Variants in NRXN1 observed in about 807,000 individuals in gnomAD.
NRXN1 encodes neurexin 1.
Under a neutral mutation model 150.9 loss-of-function variants are expected in NRXN1, and 39 were observed. That is an observed-to-expected ratio of 0.26 (90% CI 0.20 to 0.34). NRXN1 has a LOEUF of 0.34. NRXN1 is among the 10% of genes least tolerant of loss of function. The probability of loss-of-function intolerance (pLI) is 1.00; values close to 1 mark genes in which losing one functional copy is unlikely to be tolerated. For synonymous variants in NRXN1, 924 were observed against 757.0 expected, an observed-to-expected ratio of 1.22 and a Z score of -3.62; for missense variants, 1,815 against 1,949.9, an observed-to-expected ratio of 0.93 and a Z score of 1.30.
At chr2:49,926,351 C>T (rs1017084607) in intron 22 of NRXN1, 4 of 398,308 alleles carry the variant, frequency 1.0e-5, no homozygotes, top group East Asian at 3.6e-5. Context: ...TGGTAAGATA[C>T]GGTGGTCTCT....
intron 16 of NRXN1, among the ~76,000 whole-genome samples, chr2:50,470,610 C>T (rs1157617271): frequency 1.3e-5 from 2 of 151,808 alleles, no homozygotes; most frequent in South Asian, 2.1e-4. Context: ...TTCATAATCA[C>T]CTGGGGGACA....
At chr2:50,552,492 A>G (rs1667677533) in intron 9 of NRXN1, 95 bp downstream of exon 9, 1 of 865,112 alleles carries the variant, frequency 1.2e-6, no homozygotes. Context: ...CAAATGCAGG[A>G]AGTCTTTAAT....
chr2:50,311,169 C>T (rs552837251), intron 17 of NRXN1, among the ~76,000 whole-genome samples: 1 of 152,144 alleles, frequency 6.6e-6, no homozygotes, highest in Admixed American at 6.6e-5. Flanking sequence ...ACAAAAGGAT[C>T]ATGTTGTCAA....
At chr2:50,561,968 T>G (rs1381511293) in intron 8 of NRXN1, among the ~76,000 whole-genome samples, 5 of 152,230 alleles carry the variant, frequency 3.3e-5, no homozygotes, top group African/African-American at 7.2e-5. Flanking sequence ...AGCCAGCAGA[T>G]GCTGCTAAGA....
intron 17 of NRXN1, among the ~76,000 whole-genome samples, chr2:50,342,942 C>T (rs1295247321): frequency 6.6e-6 from 1 of 152,224 alleles, no homozygotes; most frequent in Non-Finnish European, 1.5e-5. Context: ...CTGAAACCTA[C>T]CTATCCTCTT....
chr2:50,387,938 T>C (rs1351419290), intron 17 of NRXN1, among the ~76,000 whole-genome samples: 3 of 152,130 alleles, frequency 2.0e-5, no homozygotes, highest in Admixed American at 6.5e-5. Context: ...GAAACACACG[T>C]CTTGAAAAAG....
At chr2:50,830,561 G>GC (rs1671269138) in intron 5 of NRXN1, among the ~76,000 whole-genome samples, 1 of 150,788 alleles carries the variant, frequency 6.6e-6, no homozygotes, top group Non-Finnish European at 1.5e-5. Context: ...GTTCTTCTGA[G>GC]CCCTGAAACA....
At chr2:50,108,833 C>T (rs1306993927) in intron 18 of NRXN1, among the ~76,000 whole-genome samples, 1 of 152,042 alleles carries the variant, frequency 6.6e-6, no homozygotes, top group East Asian at 1.9e-4. Flanking sequence ...TGCAATATGA[C>T]AGGAAATAAA....
intron 17 of NRXN1, among the ~76,000 whole-genome samples, chr2:50,400,355 T>A (rs1428176692): frequency 6.6e-6 from 1 of 152,162 alleles, no homozygotes; most frequent in Non-Finnish European, 1.5e-5. Flanking sequence ...CCATCTTTTT[T>A]AAATATTCAA....
At chr2:50,448,044 G>C (rs538925764) in intron 17 of NRXN1, among the ~76,000 whole-genome samples, 139 of 151,990 alleles carry the variant, frequency 9.1e-4, no homozygotes, top group African/African-American at 3.3e-3. Context: ...GTCAGTGAAA[G>C]TAATAAAATT....
intron 8 of NRXN1, among the ~76,000 whole-genome samples, chr2:50,574,965 C>T (rs58262679): frequency 0.021 from 3,137 of 152,264 alleles, 96 homozygotes; most frequent in African/African-American, 0.07. Flanking sequence ...TGATGCATTG[C>T]ACTAATATGC....
At chr2:50,731,148 C>A (rs1698050156) in intron 5 of NRXN1, among the ~76,000 whole-genome samples, 2 of 152,126 alleles carry the variant, frequency 1.3e-5, no homozygotes, top group African/African-American at 4.8e-5. Flanking sequence ...TAAGAAACAC[C>A]AATGAAATTA....
Position 50,098,830 on chromosome 2 carries a change from G to GTTTTTTTTTTTTTTTT in NRXN1, c.3547-7352_3547-7337dup, listed in dbSNP as rs746736925. Among the ~76,000 whole-genome samples the GTTTTTTTTTTTTTTTT allele has an allele frequency of 1.4e-4, 15 of 105,562 alleles. 2 individuals are homozygous for GTTTTTTTTTTTTTTTT. The highest frequency in any genetic ancestry group is 5.3e-3 in the Middle Eastern group (1 of 190). The allele number at this position is 105,562 out of a possible 152,430, so 69.3% of individuals were successfully genotyped here. A position where few individuals can be genotyped will look rare whatever the true frequency, so the allele number is the denominator to read the frequency against. ...GTGCATGGTTTTGTTTTTGGTTTTAGTTTTTTTTTTTTTTTTTTTTTTTTT... is the reference window on the plus strand; with the variant it reads ...GTGCATGGTTTTGTTTTTGGTTTTAGTTTTTTTTTTTTTTTTTTTTTTTTTTTTTTTTTTTTTTTTT... On this transcript the variant is annotated intron_variant, in intron 18 of 22. Coordinates refer to ENST00000401669, the MANE Select transcript of NRXN1 (RefSeq NM_001330078.2).
chr2:50,390,504 C>T (rs1327297691), intron 17 of NRXN1, among the ~76,000 whole-genome samples: 1 of 152,128 alleles, frequency 6.6e-6, no homozygotes, highest in African/African-American at 2.4e-5. Flanking sequence ...TGTAACTGTA[C>T]TATTGCTACA....
chr2:50,689,857 TGTG>T (rs1691809902), intron 5 of NRXN1, among the ~76,000 whole-genome samples: 2 of 38,020 alleles, frequency 5.3e-5, no homozygotes, highest in Non-Finnish European at 9.2e-5. Flanking sequence ...TGCTTATTTG[TGTG>T]TGTGTGTGTG....
Position 50,309,041 on chromosome 2 carries a change from G to T in NRXN1, c.3365-72071C>A, listed in dbSNP as rs75072586. On this transcript the variant is annotated intron_variant, in intron 17 of 22. Coordinates refer to ENST00000401669, the MANE Select transcript of NRXN1 (RefSeq NM_001330078.2). ...TACAAATTTAGGACCTAACATAAAG[G>T]GATCTCTCAAGAAAATCACTGAATG... Among the ~76,000 whole-genome samples the T allele has an allele frequency of 4.4e-3, 677 of 152,176 alleles. 9 individuals carry two copies. The highest frequency in any genetic ancestry group is 0.016 in the African/African-American group (650 of 41,504).
At chr2:50,664,771 C>A (rs540013348) in intron 5 of NRXN1, among the ~76,000 whole-genome samples, 15 of 147,642 alleles carry the variant, frequency 1.0e-4, no homozygotes, top group African/African-American at 3.8e-4. Context: ...ATGGAGTTAA[C>A]ATTCCTAAAA....
At chr2:50,760,979 T>C (rs1226229160) in intron 5 of NRXN1, among the ~76,000 whole-genome samples, 2 of 152,082 alleles carry the variant, frequency 1.3e-5, no homozygotes, top group East Asian at 3.9e-4. Context: ...TCTTTAACCA[T>C]GACCCAAACC....
Position 51,028,124 on chromosome 2 carries a change from G to C in NRXN1, c.150C>G (p.Cys50Trp), listed in dbSNP as rs1057518563. ...WTRFPKWNACCESEMSFQLKT... is the reference protein window; with the variant it reads ...WTRFPKWNACWESEMSFQLKT... ...TGAGCTGGAAGCTCATCTCGCTCTCGCAGCAGGCGTTCCACTTGGGGAAGC... is the reference window on the plus strand; with the variant it reads ...TGAGCTGGAAGCTCATCTCGCTCTCCCAGCAGGCGTTCCACTTGGGGAAGC... The change falls in exon 2 of 23, where the codon TGC becomes TGG. Residue 50 changes from cysteine to tryptophan, a missense_variant. Transcript: ENST00000401669. 6.4e-7 allele frequency: 1 copy of C among 1,568,450 alleles called. No individual in the cohort carries two copies. Among genetic ancestry groups the C allele is most frequent in the Non-Finnish European group, 8.6e-7 (1 of 1,159,738 alleles).
Sources: gnomAD v4.1 joint callset for allele counts (sites outside exome capture counted in the v4.1 genomes callset) on GRCh38, gnomAD v4.1.1 for gene constraint, MANE v1.5 for transcripts, NCBI Gene and HGNC (gene_info 2026-07-23, HGNC 2026-07-21) for gene names.